Variants in IGBP1C observed in about 807,000 individuals in gnomAD.
IGBP1C encodes IGBP1 family member C.
At chr17:58,670,756 G>C in the IGBP1C span, among the ~76,000 whole-genome samples, 10 of 104,610 alleles carry the variant, frequency 9.6e-5, no homozygotes, top group Middle Eastern at 0.014. Context: ...CTGGGCGACA[G>C]AGTGAGACTC....
chr17:58,690,600 G>T, the IGBP1C span, among the ~76,000 whole-genome samples: 1 of 152,100 alleles, frequency 6.6e-6, no homozygotes, highest in African/African-American at 2.4e-5. Flanking sequence ...CAAGAATCTG[G>T]GTGCTTTATA....
At chr17:58,676,743 TGA>T in the IGBP1C span, among the ~76,000 whole-genome samples, 2 of 152,112 alleles carry the variant, frequency 1.3e-5, no homozygotes, top group Admixed American at 6.6e-5. Flanking sequence ...CCCAGCACCT[TGA>T]GAGGCCGAGG....
At chr17:58,691,368 T>C in the IGBP1C span, among the ~76,000 whole-genome samples, 2 of 151,806 alleles carry the variant, frequency 1.3e-5, no homozygotes, top group South Asian at 4.2e-4. Flanking sequence ...AAGTCAAGAC[T>C]AAGAATCATT....
the IGBP1C span, among the ~76,000 whole-genome samples, chr17:58,673,365 C>T: frequency 9.2e-3 from 1,399 of 151,446 alleles, 25 homozygotes; most frequent in African/African-American, 0.031. Flanking sequence ...CACCTGTAGT[C>T]CCAGCTACTC....
chr17:58,679,512 T>C, the IGBP1C span: 2 of 152,158 alleles, frequency 1.3e-5, no homozygotes, highest in East Asian at 1.9e-4. Context: ...ACGCCTTTTA[T>C]AAACAAGCCA....
the IGBP1C span, among the ~76,000 whole-genome samples, chr17:58,686,184 A>C: frequency 6.6e-6 from 1 of 152,054 alleles, no homozygotes; most frequent in African/African-American, 2.4e-5. Context: ...AAAATTTTTA[A>C]AAATTAGCTA....
the IGBP1C span, among the ~76,000 whole-genome samples, chr17:58,667,187 C>G: frequency 6.6e-6 from 1 of 152,172 alleles, no homozygotes; most frequent in Non-Finnish European, 1.5e-5. Flanking sequence ...GCATCATTTC[C>G]TCTTATTCCA....
At chr17:58,678,129 G>A in the IGBP1C span, among the ~76,000 whole-genome samples, 18 of 152,198 alleles carry the variant, frequency 1.2e-4, no homozygotes, top group East Asian at 5.8e-4. Flanking sequence ...CAGCCTGGGC[G>A]ACAGAGCGAG....
At chr17:58,684,027 T>G in the IGBP1C span, among the ~76,000 whole-genome samples, 1 of 152,146 alleles carries the variant, frequency 6.6e-6, no homozygotes, top group Admixed American at 6.6e-5. Flanking sequence ...ATGGTGCCAC[T>G]GCACTCCAGC....
the IGBP1C span, chr17:58,660,811 A>G: frequency 2.3e-5 from 18 of 782,140 alleles, no homozygotes; most frequent in East Asian, 2.7e-4. Flanking sequence ...TGGAAGCCAG[A>G]CTTGGATAGC....
chr17:58,678,171 T>G, the IGBP1C span, among the ~76,000 whole-genome samples: 1 of 151,772 alleles, frequency 6.6e-6, no homozygotes, highest in Non-Finnish European at 1.5e-5. Context: ...AAAAGGGAAG[T>G]TTTTAGATGT....
At chr17:58,669,785 G>A in the IGBP1C span, among the ~76,000 whole-genome samples, 2 of 150,232 alleles carry the variant, frequency 1.3e-5, no homozygotes, top group Admixed American at 6.6e-5. Flanking sequence ...CTTCATTGAG[G>A]TTTAGCAAGA....
chr17:58,676,805 G>T, the IGBP1C span, among the ~76,000 whole-genome samples: 1 of 151,714 alleles, frequency 6.6e-6, no homozygotes, highest in Admixed American at 6.6e-5. Flanking sequence ...GGGCAACATA[G>T]CGAGACCCTA....
At chr17:58,666,331 G>A in the IGBP1C span, among the ~76,000 whole-genome samples, 2 of 151,762 alleles carry the variant, frequency 1.3e-5, no homozygotes, top group Admixed American at 6.6e-5. Context: ...CTGGAAAATA[G>A]AGCAAGACTG....
At chr17:58,684,834 G>C in the IGBP1C span, among the ~76,000 whole-genome samples, 4 of 151,592 alleles carry the variant, frequency 2.6e-5, no homozygotes, top group Non-Finnish European at 5.9e-5. Context: ...AAATTAGCTG[G>C]GCGTGGTGTC....
chr17:58,681,203 G>A, the IGBP1C span, among the ~76,000 whole-genome samples: 1 of 152,128 alleles, frequency 6.6e-6, no homozygotes, highest in Non-Finnish European at 1.5e-5. Context: ...AGGCTGCAGT[G>A]AGCCGAGACT....
chr17:58,690,137 T>C, the IGBP1C span, among the ~76,000 whole-genome samples: 1 of 150,592 alleles, frequency 6.6e-6, no homozygotes, highest in African/African-American at 2.4e-5. Context: ...ATAGATAGAG[T>C]TGAGTGGGGG....
chr17:58,671,085 T>G, the IGBP1C span, among the ~76,000 whole-genome samples: 1 of 152,178 alleles, frequency 6.6e-6, no homozygotes, highest in Non-Finnish European at 1.5e-5. Flanking sequence ...TGAAACTTTC[T>G]TGCATTTTCC....
the IGBP1C span, among the ~76,000 whole-genome samples, chr17:58,662,415 TC>T: frequency 8.7e-6 from 1 of 114,888 alleles, no homozygotes; most frequent in African/African-American, 2.8e-5. Flanking sequence ...CACACATATC[TC>T]ACACACACAC....
Sources: gnomAD v4.1 joint callset for allele counts (sites outside exome capture counted in the v4.1 genomes callset) on GRCh38, gnomAD v4.1.1 for gene constraint, MANE v1.5 for transcripts, NCBI Gene and HGNC (gene_info 2026-07-23, HGNC 2026-07-21) for gene names.